RAB3GAP1: variants seen among roughly 807,000 people sequenced by gnomAD.
RAB3GAP1 encodes RAB3 GTPase activating protein catalytic subunit 1.
RAB3GAP1 carries 86 observed loss-of-function variants against 130.7 expected under a neutral mutation model. The ratio of observed to expected loss-of-function variants is 0.66; its 90% CI spans 0.55 to 0.79. RAB3GAP1 has a LOEUF of 0.79. Ranked by LOEUF, RAB3GAP1 falls within the 30% of genes least tolerant of loss-of-function variation. The pLI is 0.00. For synonymous variants in RAB3GAP1, 367 were observed against 401.7 expected, an observed-to-expected ratio of 0.91 and a Z score of 1.03; for missense variants, 1,029 against 1,169.4, an observed-to-expected ratio of 0.88 and a Z score of 1.75.
At chr2:135,160,674 CAAAAAAAAAAAAA>C (rs59034119) in intron 19 of RAB3GAP1, among the ~76,000 whole-genome samples, 1 of 33,870 alleles carries the variant, frequency 3.0e-5, no homozygotes, top group East Asian at 8.0e-4. Context: ...GACCCTGTCT[CAAAAAAAAAAAAA>C]AAAAAAAAAA....
intron 13 of RAB3GAP1, 58 bp from the exon 14 acceptor site, chr2:135,132,837 A>C: frequency 9.6e-7 from 1 of 1,043,044 alleles, no homozygotes; most frequent in Non-Finnish European, 1.5e-6. Context: ...GAGTTATAAA[A>C]ATCAACAAAA....
chr2:135,162,677 T>C, intron 20 of RAB3GAP1, 26 bp downstream of exon 20: 1 of 1,605,408 alleles, frequency 6.2e-7, no homozygotes, highest in Non-Finnish European at 8.5e-7. Flanking sequence ...AACTAGTCAT[T>C]AGTCATTTCC....
At chr2:135,068,621 C>T (rs908455961) in intron 3 of RAB3GAP1, among the ~76,000 whole-genome samples, 10 of 152,074 alleles carry the variant, frequency 6.6e-5, no homozygotes, top group African/African-American at 2.4e-4. Flanking sequence ...GGTGTGGTGG[C>T]AGGCACCTGT....
At chr2:135,095,953 G>A (rs565091489) in intron 5 of RAB3GAP1, among the ~76,000 whole-genome samples, 21 of 152,182 alleles carry the variant, frequency 1.4e-4, no homozygotes, top group African/African-American at 3.4e-4. Context: ...AAATATTGTC[G>A]TAACTGTTCT....
chr2:135,076,625 T>C (rs1282838090), intron 3 of RAB3GAP1, among the ~76,000 whole-genome samples: 1 of 152,236 alleles, frequency 6.6e-6, no homozygotes, highest in East Asian at 1.9e-4. Context: ...TTTGAATGTC[T>C]TATGCTTCAC....
chr2:135,173,635 G>T (rs116128975), downstream of RAB3GAP1, among the ~76,000 whole-genome samples: 1,432 of 152,298 alleles, frequency 9.4e-3, 24 homozygotes, highest in African/African-American at 0.032. Context: ...TGCTAGCAGG[G>T]TGGGTGCACT....
chr2:135,129,919 AG>A, intron 11 of RAB3GAP1, 75 bp from the exon 12 acceptor site: 2 of 939,462 alleles, frequency 2.1e-6, no homozygotes, highest in Non-Finnish European at 3.4e-6. Flanking sequence ...TTTTGTGGAA[AG>A]ATGTACTTTA....
Position 135,135,940 on chromosome 2 carries a change from G to C in RAB3GAP1, c.1923+8G>C. 1 of 1,612,876 alleles carries C rather than the reference G, an allele frequency of 6.2e-7. No individual in the cohort carries two copies. The highest frequency in any genetic ancestry group is 8.5e-7 in the Non-Finnish European group (1 of 1,178,856). The stretch of plus-strand genomic sequence containing the variant: ...TACATTCCAGTAACCCAGGTAGGAT[G>C]CACTAGTTCTTTCCATTTTAATTTA... On this transcript the variant is annotated splice_region_variant and intron_variant, in intron 17 of 23. Coordinates refer to ENST00000264158, the MANE Select transcript of RAB3GAP1 (RefSeq NM_012233.3).
chr2:135,088,704 A>G (rs933783335), intron 3 of RAB3GAP1, among the ~76,000 whole-genome samples: 3 of 151,200 alleles, frequency 2.0e-5, no homozygotes, highest in South Asian at 2.1e-4. Context: ...AAAAAAAAAA[A>G]AAAAGAAAGA....
intron 5 of RAB3GAP1, among the ~76,000 whole-genome samples, chr2:135,111,588 C>T (rs1690802428): frequency 2.0e-5 from 3 of 152,292 alleles, no homozygotes; most frequent in African/African-American, 7.2e-5. Context: ...AGGACATATA[C>T]ATCATTGCTG....
At chr2:135,109,858 A>G (rs1690747585) in intron 5 of RAB3GAP1, among the ~76,000 whole-genome samples, 1 of 152,164 alleles carries the variant, frequency 6.6e-6, no homozygotes, top group African/African-American at 2.4e-5. Context: ...CTGGGATTAC[A>G]GGTGTGAGCC....
At chr2:135,086,364 C>T (rs1473544116) in intron 3 of RAB3GAP1, among the ~76,000 whole-genome samples, 1 of 152,072 alleles carries the variant, frequency 6.6e-6, no homozygotes, top group African/African-American at 2.4e-5. Context: ...CCTCTGTGTT[C>T]TCTGTGACAC....
At chr2:135,158,123 G>C (rs1692366944) in intron 19 of RAB3GAP1, among the ~76,000 whole-genome samples, 1 of 152,110 alleles carries the variant, frequency 6.6e-6, no homozygotes, top group African/African-American at 2.4e-5. Context: ...ATGTGGGTAT[G>C]GACATAGTAA....
intron 4 of RAB3GAP1, among the ~76,000 whole-genome samples, chr2:135,092,333 A>T (rs1690165820): frequency 6.6e-6 from 1 of 152,200 alleles, no homozygotes; most frequent in African/African-American, 2.4e-5. Flanking sequence ...ATTTAAGGGA[A>T]GATCATGCAT....
At chr2:135,165,223 C>T in intron 23 of RAB3GAP1, 1 of 438,564 alleles carries the variant, frequency 2.3e-6, no homozygotes, top group South Asian at 1.6e-5. Context: ...GAAAGAAAGC[C>T]CAGTTTGAAA....
At chr2:135,125,005 A>G (rs986193873) in intron 9 of RAB3GAP1, among the ~76,000 whole-genome samples, 1 of 152,224 alleles carries the variant, frequency 6.6e-6, no homozygotes, top group Non-Finnish European at 1.5e-5. Flanking sequence ...AAAGTGTACA[A>G]TTCAATGGTA....
At chr2:135,142,145 A>T (rs1691862795) in intron 17 of RAB3GAP1, among the ~76,000 whole-genome samples, 1 of 152,172 alleles carries the variant, frequency 6.6e-6, no homozygotes, top group African/African-American at 2.4e-5. Context: ...ATTTATGGAG[A>T]ATTGACATCT....
chr2:135,160,931 T>C (rs1305503424), intron 19 of RAB3GAP1, among the ~76,000 whole-genome samples: 8 of 152,134 alleles, frequency 5.3e-5, no homozygotes, highest in Admixed American at 6.5e-5. Flanking sequence ...TGTACACACA[T>C]GAAAGCAGAG....
At position 135,115,374 on chromosome 2, in the gene RAB3GAP1, C is replaced by A. The variant is rs1487743529; in HGVS notation, c.641C>A (p.Ser214Ter). The part of the protein sequence containing the change: ...HLSGLLDIFK[S>*]KIGCPLTPLP... ...TCAGGTCTGCTGGATATCTTCAAAT[C>A]AAAGATTGTGAGTTGGGATTGATAT... Residue 214 changes from serine (S) to a stop codon, truncating the protein, a stop_gained, in exon 7 of 24, where the codon TCA becomes TAA. Transcript: ENST00000264158. LOFTEE classifies it high-confidence loss of function. The A allele has an allele frequency of 6.2e-7, 1 of 1,609,338 alleles. No homozygotes were observed. The highest frequency in any genetic ancestry group is 2.2e-5 in the East Asian group (1 of 44,706).
Sources: gnomAD v4.1 joint callset for allele counts (sites outside exome capture counted in the v4.1 genomes callset) on GRCh38, gnomAD v4.1.1 for gene constraint, MANE v1.5 for transcripts, NCBI Gene and HGNC (gene_info 2026-07-23, HGNC 2026-07-21) for gene names.